Variants in INVS observed in about 807,000 individuals in gnomAD.
The protein encoded by INVS is inversin.
In INVS, 86 loss-of-function variants were observed where a neutral mutation model predicts 108.8. The ratio of observed to expected loss-of-function variants is 0.79; its 90% confidence interval spans 0.66 to 0.95. The LOEUF is 0.95. Ranked by LOEUF, INVS falls within the 40% of genes least tolerant of loss-of-function variation. INVS has a pLI of 0.00. For synonymous variants in INVS, 455 were observed against 473.5 expected, an observed-to-expected ratio of 0.96 and a Z score of 0.51; for missense variants, 1,169 against 1,297.4, an observed-to-expected ratio of 0.90 and a Z score of 1.52.
At chr9:100,286,498 G>A (rs776059782) in intron 13 of INVS, among the ~76,000 whole-genome samples, 46 of 152,252 alleles carry the variant, frequency 3.0e-4, no homozygotes, top group Middle Eastern at 3.4e-3. Flanking sequence ...CCGAGATTGC[G>A]TCACTGCACT....
chr9:100,264,599 C>T (rs917636332), intron 10 of INVS, among the ~76,000 whole-genome samples: 2 of 142,026 alleles, frequency 1.4e-5, no homozygotes, highest in South Asian at 2.2e-4. Flanking sequence ...GCCTGAGCGA[C>T]GAGAGCGAAA....
At chr9:100,175,630 G>A in intron 3 of INVS, 1 of 670,676 alleles carries the variant, frequency 1.5e-6, no homozygotes, top group Non-Finnish European at 2.8e-6. Flanking sequence ...AATAGCAATG[G>A]TGTGACTCCA....
At chr9:100,211,687 G>T (rs1457617149) in intron 3 of INVS, among the ~76,000 whole-genome samples, 1 of 152,156 alleles carries the variant, frequency 6.6e-6, no homozygotes, top group East Asian at 1.9e-4. Context: ...TAAAGATGTT[G>T]CCTTTCCCTC....
intron 3 of INVS, among the ~76,000 whole-genome samples, chr9:100,200,136 A>T (rs76135416): frequency 6.6e-6 from 1 of 151,978 alleles, no homozygotes; most frequent in African/African-American, 2.4e-5. Flanking sequence ...GGAACTTCCA[A>T]TTGTTTCTTT....
At chr9:100,246,102 G>C (rs1057342443) in intron 7 of INVS, among the ~76,000 whole-genome samples, 1 of 150,164 alleles carries the variant, frequency 6.7e-6, no homozygotes, top group Non-Finnish European at 1.5e-5. Flanking sequence ...GCAGTGAGCC[G>C]AGATTGCACC....
chr9:100,100,254 G>T (rs751632814), intron 1 of INVS, among the ~76,000 whole-genome samples: 3 of 151,702 alleles, frequency 2.0e-5, no homozygotes, highest in Admixed American at 6.6e-5. Flanking sequence ...AAAGAGCCCT[G>T]CATAATGGCT....
intron 3 of INVS, among the ~76,000 whole-genome samples, chr9:100,154,939 G>A (rs1828926158): frequency 6.6e-6 from 1 of 152,080 alleles, no homozygotes; most frequent in African/African-American, 2.4e-5. Context: ...CAGCCTGGAT[G>A]CAGTGGCTCA....
intron 2 of INVS, among the ~76,000 whole-genome samples, chr9:100,109,910 G>A (rs541208718): frequency 1.1e-3 from 175 of 152,228 alleles, no homozygotes; most frequent in Non-Finnish European, 2.1e-3. Flanking sequence ...CAAGTGATCC[G>A]CCCGCCTCGG....
At chr9:100,193,454 A>G (rs191037921) in intron 3 of INVS, among the ~76,000 whole-genome samples, 1 of 152,242 alleles carries the variant, frequency 6.6e-6, no homozygotes, top group Admixed American at 6.5e-5. Context: ...CCTTCTGCGT[A>G]TTTAGTATTT....
chr9:100,154,847 C>T (rs1828923629), intron 3 of INVS, among the ~76,000 whole-genome samples: 1 of 152,126 alleles, frequency 6.6e-6, no homozygotes, highest in African/African-American at 2.4e-5. Flanking sequence ...CGAAGCTAGT[C>T]TTATCTGAGT....
chr9:100,100,929 A>ATATTATATATG lies in INVS; in HGVS notation c.-25+1516_-25+1517insTATATATGTAT, dbSNP rs1564112297. 1.1e-3 allele frequency among the ~76,000 whole-genome samples: 26 copies of ATATTATATATG among 24,328 alleles called. 1 individual carries two copies. The highest frequency in any genetic ancestry group is 4.5e-3 in the African/African-American group (17 of 3,780). The allele number at this position is 24,328 out of a possible 152,430, so 16.0% of individuals were successfully genotyped here. ...TATATATATTATATGTATATATATA[A>ATATTATATATG]TATATATAATATATATACATATATA... is the stretch of plus-strand genomic sequence containing the variant. On this transcript the variant is annotated intron_variant, in intron 1 of 16. Coordinates refer to ENST00000262457, the MANE Select transcript of INVS (RefSeq NM_014425.5).
At chr9:100,168,766 A>G (rs928310529) in intron 3 of INVS, among the ~76,000 whole-genome samples, 3 of 152,234 alleles carry the variant, frequency 2.0e-5, no homozygotes, top group South Asian at 2.1e-4. Context: ...AAGTTGATTC[A>G]GCTAACATAT....
At chr9:100,257,665 G>A (rs1202912350) in intron 10 of INVS, among the ~76,000 whole-genome samples, 2 of 152,178 alleles carry the variant, frequency 1.3e-5, no homozygotes, top group Non-Finnish European at 2.9e-5. Context: ...CTTCACTTAT[G>A]AAGCTTAGTT....
chr9:100,135,160 A>T (rs906267546), intron 3 of INVS, among the ~76,000 whole-genome samples: 4 of 152,186 alleles, frequency 2.6e-5, no homozygotes, highest in Middle Eastern at 3.2e-3. Context: ...CTCAATTTTT[A>T]AAGTATTATT....
At chr9:100,236,148 C>T (rs191421521) in intron 5 of INVS, among the ~76,000 whole-genome samples, 7 of 152,166 alleles carry the variant, frequency 4.6e-5, no homozygotes, top group East Asian at 1.9e-4. Context: ...TTGATCGATC[C>T]GGCTGTTGAT....
intron 12 of INVS, among the ~76,000 whole-genome samples, 171 bp downstream of exon 12, chr9:100,273,247 G>A (rs573937989): frequency 3.9e-5 from 6 of 152,078 alleles, no homozygotes; most frequent in East Asian, 1.9e-4. Flanking sequence ...TTCTGGAACC[G>A]AGGCTGCAGT....
At chr9:100,169,218 T>C (rs1829460105) in intron 3 of INVS, among the ~76,000 whole-genome samples, 1 of 152,236 alleles carries the variant, frequency 6.6e-6, no homozygotes, top group Non-Finnish European at 1.5e-5. Flanking sequence ...CTAAATTACT[T>C]CTTCAAAGGA....
At position 100,240,219 on chromosome 9, in the gene INVS, C is replaced by T. The variant is rs886063264; in HGVS notation, c.775C>T (p.Leu259=). ...TTATGATAACTTATTTCGAACCCCA[C>T]TGCACTGGGCAGCTTTATTAGGTAC... ...TSYDNLFRTP[L]HWAALLGHAQ... The change falls in exon 6 of 17, where the codon CTG becomes TTG. Residue 259 remains leucine (L), a synonymous_variant. Transcript: ENST00000262457. 6 of 1,613,948 alleles carry T rather than the reference C, an allele frequency of 3.7e-6. No individual in the cohort carries two copies. The Middle Eastern group carries it at 6.6e-4, about 178-fold the overall frequency.
chr9:100,118,662 C>A (rs996059402), intron 2 of INVS, among the ~76,000 whole-genome samples: 1 of 151,856 alleles, frequency 6.6e-6, no homozygotes, highest in Non-Finnish European at 1.5e-5. Flanking sequence ...ATTTTTCCAG[C>A]ACCATTTATT....
Sources: allele counts gnomAD v4.1 joint callset (sites outside exome capture counted in the v4.1 genomes callset), GRCh38; gene constraint gnomAD v4.1.1; transcripts MANE v1.5; gene names NCBI Gene and HGNC (gene_info 2026-07-23, HGNC 2026-07-21).